Variants in CLNK observed in about 807,000 individuals in gnomAD.
CLNK encodes the protein cytokine dependent hematopoietic cell linker.
Under a neutral mutation model 68.6 loss-of-function variants are expected in CLNK, and 74 were observed. The ratio of observed to expected loss-of-function variants is 1.08; its 90% CI spans 0.89 to 1.31. The LOEUF (loss-of-function observed/expected upper bound fraction) is 1.31. Ranked by LOEUF, CLNK falls within the 50% of genes most tolerant of loss-of-function variation. The pLI, the probability that CLNK is intolerant of heterozygous loss-of-function variation, is 0.00. For missense variants in CLNK, 553 were observed against 515.3 expected, an observed-to-expected ratio of 1.07 and a Z score of -0.71; for synonymous variants, 198 against 172.2, an observed-to-expected ratio of 1.15 and a Z score of -1.17.
chr4:10,668,188 G>A lies in CLNK; in HGVS notation c.-42-277C>T, dbSNP rs116076934. The stretch of plus-strand genomic sequence containing the variant: ...TAAACTGAGCCTGGTTTTCCCTGGC[G>A]TGCAATTGTGTGCTTCCCCTGGGCA... On this transcript the variant is annotated intron_variant, in intron 1 of 18. Transcript: ENST00000226951. 1.7e-3 allele frequency among the ~76,000 whole-genome samples: 256 copies of A among 152,240 alleles called. 1 individual carries two copies. The highest frequency in any genetic ancestry group is 5.8e-3 in the African/African-American group (239 of 41,538).
At chr4:10,716,638 C>G in the CLNK span, among the ~76,000 whole-genome samples, 3 of 150,874 alleles carry the variant, frequency 2.0e-5, no homozygotes, top group African/African-American at 7.3e-5. Flanking sequence ...AAAACTTTCC[C>G]TCTCTACCAA....
At chr4:10,525,054 A>G (rs1718246443) in intron 14 of CLNK, among the ~76,000 whole-genome samples, 2 of 152,310 alleles carry the variant, frequency 1.3e-5, no homozygotes, top group South Asian at 4.1e-4. Flanking sequence ...TGGTCAATAA[A>G]TATCCTGACT....
At chr4:10,692,795 C>T in the CLNK span, among the ~76,000 whole-genome samples, 1 of 152,154 alleles carries the variant, frequency 6.6e-6, no homozygotes, top group Non-Finnish European at 1.5e-5. Flanking sequence ...ATTGTTTATG[C>T]TCTCCTCCCA....
At chr4:10,504,366 C>T (rs1717197103) in intron 17 of CLNK, among the ~76,000 whole-genome samples, 1 of 152,012 alleles carries the variant, frequency 6.6e-6, no homozygotes, top group South Asian at 2.1e-4. Flanking sequence ...GAGATTCGCC[C>T]GCCTCGGGCT....
intron 2 of CLNK, among the ~76,000 whole-genome samples, chr4:10,617,742 G>A (rs531804059): frequency 2.0e-5 from 3 of 152,256 alleles, no homozygotes; most frequent in Non-Finnish European, 4.4e-5. Context: ...TGAAAAAGAC[G>A]GAAAAAGAGT....
At chr4:10,719,869 A>G in the CLNK span, among the ~76,000 whole-genome samples, 1 of 152,200 alleles carries the variant, frequency 6.6e-6, no homozygotes, top group African/African-American at 2.4e-5. Flanking sequence ...TACAGAGCCA[A>G]TGTGGAATCA....
At chr4:10,687,255 A>C (rs1725303679), upstream of CLNK, among the ~76,000 whole-genome samples, 1 of 152,032 alleles carries the variant, frequency 6.6e-6, no homozygotes, top group African/African-American at 2.4e-5. Context: ...AATCTAATAT[A>C]ATAGAGAGGT....
At chr4:10,588,895 C>T (rs1014780932) in intron 3 of CLNK, among the ~76,000 whole-genome samples, 3 of 151,566 alleles carry the variant, frequency 2.0e-5, no homozygotes, top group African/African-American at 7.3e-5. Context: ...AATAGTCAAA[C>T]CTATAGAGTG....
At chr4:10,655,637 ATTTTTTTTTTT>A (rs869196104) in intron 2 of CLNK, among the ~76,000 whole-genome samples, 12 of 74,806 alleles carry the variant, frequency 1.6e-4, no homozygotes, top group East Asian at 7.6e-4. Flanking sequence ...GATAGATAGC[ATTTTTTTTTTT>A]TTTTTTTTTT....
chr4:10,494,607 G>A (rs13142047), intron 18 of CLNK, among the ~76,000 whole-genome samples: 34,096 of 151,850 alleles, frequency 0.22, 4,238 homozygotes, highest in Middle Eastern at 0.28. Flanking sequence ...ACAGGCATGT[G>A]CCATGGCGCG....
intron 12 of CLNK, among the ~76,000 whole-genome samples, chr4:10,529,230 A>G (rs566452090): frequency 4.9e-4 from 74 of 152,304 alleles, no homozygotes; most frequent in African/African-American, 1.5e-3. Context: ...TTTTTTCTCT[A>G]TAAGTATGTG....
intron 4 of CLNK, among the ~76,000 whole-genome samples, chr4:10,580,645 A>T (rs1020541221): frequency 6.6e-6 from 1 of 152,076 alleles, no homozygotes; most frequent in African/African-American, 2.4e-5. Flanking sequence ...GTAAAAAAAA[A>T]TAAAATAAAA....
intron 8 of CLNK, among the ~76,000 whole-genome samples, chr4:10,549,680 T>C (rs1226610574): frequency 6.6e-6 from 1 of 152,208 alleles, no homozygotes; most frequent in Non-Finnish European, 1.5e-5. Flanking sequence ...ATTATTATAG[T>C]ATGAAAAATT....
the CLNK span, among the ~76,000 whole-genome samples, chr4:10,707,590 G>T: frequency 1.2e-4 from 18 of 152,212 alleles, no homozygotes; most frequent in East Asian, 3.3e-3. Flanking sequence ...ACCCTAAAAT[G>T]TATAAAACCA....
At chr4:10,718,038 G>A in the CLNK span, among the ~76,000 whole-genome samples, 1 of 151,794 alleles carries the variant, frequency 6.6e-6, no homozygotes, top group Admixed American at 6.6e-5. Context: ...AAGAACAAAT[G>A]GAAATTTTAG....
chr4:10,511,013 G>A (rs1717557383), intron 16 of CLNK, among the ~76,000 whole-genome samples: 1 of 152,204 alleles, frequency 6.6e-6, no homozygotes, highest in Non-Finnish European at 1.5e-5. Flanking sequence ...TTAGCCGTGA[G>A]TGGTGGCAAC....
At chr4:10,693,744 C>T in the CLNK span, among the ~76,000 whole-genome samples, 1 of 152,180 alleles carries the variant, frequency 6.6e-6, no homozygotes, top group Non-Finnish European at 1.5e-5. Context: ...AGAAAAACAA[C>T]ATTTATGCCT....
At chr4:10,637,269 C>T (rs1723126973) in intron 2 of CLNK, among the ~76,000 whole-genome samples, 1 of 152,098 alleles carries the variant, frequency 6.6e-6, no homozygotes, top group African/African-American at 2.4e-5. Context: ...CCATCACTCC[C>T]CAGCTCTCCA....
chr4:10,621,287 G>A (rs1315873893), intron 2 of CLNK, among the ~76,000 whole-genome samples: 1 of 152,152 alleles, frequency 6.6e-6, no homozygotes, highest in Non-Finnish European at 1.5e-5. Context: ...TCAGACAGGG[G>A]GATTCTTGAG....
Sources: allele counts gnomAD v4.1 joint callset (sites outside exome capture counted in the v4.1 genomes callset), GRCh38; gene constraint gnomAD v4.1.1; transcripts MANE v1.5; gene names NCBI Gene and HGNC (gene_info 2026-07-23, HGNC 2026-07-21).